CNTNAP5: variants seen among roughly 807,000 people sequenced by gnomAD.
CNTNAP5 encodes contactin associated protein family member 5, also known as contactin-associated protein-like 5.
A neutral mutation model predicts 150.2 loss-of-function variants in CNTNAP5; 72 were observed. The observed-to-expected ratio is 0.48, with a 90% CI of 0.40 to 0.58. CNTNAP5 has a LOEUF of 0.58. CNTNAP5 is among the 20% of genes least tolerant of loss of function. CNTNAP5 has a pLI of 0.00. For synonymous variants in CNTNAP5, 672 were observed against 619.8 expected (o/e 1.08, Z -1.25); for missense variants, 1,636 against 1,626.2 (o/e 1.01, Z -0.10).
rs201772115 is a variant in CNTNAP5 at position 124,361,285 on chromosome 2, A to G, written c.382-56158A>G. ...TCCCATAGCTCAGAGTAATTTGATC[A>G]TCTGAAGCCTCCTTCTCTCAGCTCA... is the stretch of plus-strand genomic sequence containing the variant. On this transcript the variant is annotated intron_variant, in intron 3 of 23. Coordinates refer to ENST00000682447, the MANE Select transcript of CNTNAP5 (RefSeq NM_001367498.1). Among the ~76,000 whole-genome samples, 15 of 144,206 alleles carry G rather than the reference A, an allele frequency of 1.0e-4. 1 individual carries two copies. The highest frequency in any genetic ancestry group is 4.2e-4 in the East Asian group (2 of 4,782). The allele number at this position is 144,206 out of a possible 152,430, so 94.6% of individuals were successfully genotyped here. A position where few individuals can be genotyped will look rare whatever the true frequency, so the allele number is the denominator to read the frequency against.
rs548652246 is a variant in CNTNAP5 at position 124,787,528 on chromosome 2, C to T, written c.2753-2374C>T. Among the ~76,000 whole-genome samples the T allele has an allele frequency of 2.6e-5, 4 of 151,966 alleles. No individual in the cohort carries two copies. The East Asian group carries it at 5.8e-4, about 22-fold the overall frequency. On this transcript the variant is annotated intron_variant, in intron 17 of 23. Transcript: ENST00000682447. Reference sequence around the variant, plus strand: ...CTTCAGAATGCAAGACGAGATCTATCCCTTAGGATAAATTTCTATGGATGT... The same window carrying T: ...CTTCAGAATGCAAGACGAGATCTATTCCTTAGGATAAATTTCTATGGATGT...
intron 3 of CNTNAP5, among the ~76,000 whole-genome samples, chr2:124,251,455 AC>A (rs2104780087): frequency 7.5e-6 from 1 of 132,530 alleles, no homozygotes; most frequent in South Asian, 2.8e-4. Flanking sequence ...TTCAACTTGA[AC>A]GCTGTGGGTG....
chr2:124,274,625 G>C (rs1369916658), intron 3 of CNTNAP5, among the ~76,000 whole-genome samples: 1 of 152,210 alleles, frequency 6.6e-6, no homozygotes, highest in African/African-American at 2.4e-5. Context: ...TGCATGTGCA[G>C]AGTGGGACTC....
intron 13 of CNTNAP5, among the ~76,000 whole-genome samples, chr2:124,681,572 C>A (rs914903626): frequency 1.3e-5 from 2 of 151,924 alleles, no homozygotes; most frequent in Non-Finnish European, 2.9e-5. Flanking sequence ...TGTTTGTTTT[C>A]TTCTGTTTTG....
intron 13 of CNTNAP5, among the ~76,000 whole-genome samples, chr2:124,727,764 A>C (rs1275764194): frequency 6.6e-6 from 1 of 151,988 alleles, no homozygotes; most frequent in Non-Finnish European, 1.5e-5. Flanking sequence ...AGACAATTTT[A>C]CTTATTTTTT....
chr2:124,195,879 C>T (rs1291095691), intron 1 of CNTNAP5, among the ~76,000 whole-genome samples: 4 of 152,066 alleles, frequency 2.6e-5, no homozygotes, highest in Non-Finnish European at 4.4e-5. Context: ...CTATAATTTG[C>T]TCCTAGTTTT....
intron 3 of CNTNAP5, among the ~76,000 whole-genome samples, chr2:124,246,134 T>C (rs1024783846): frequency 1.8e-4 from 28 of 152,088 alleles, no homozygotes; most frequent in African/African-American, 6.8e-4. Flanking sequence ...TTAAAATTGA[T>C]TTACCAAACA....
intron 5 of CNTNAP5, 89 bp downstream of exon 5, chr2:124,434,776 G>T: frequency 8.5e-7 from 1 of 1,170,502 alleles, no homozygotes; most frequent in East Asian, 2.6e-5. Flanking sequence ...AGTGTATCTG[G>T]TGGAAGTCAC....
intron 17 of CNTNAP5, among the ~76,000 whole-genome samples, chr2:124,787,075 AACC>A (rs763791834): frequency 6.0e-5 from 9 of 150,284 alleles, no homozygotes; most frequent in Non-Finnish European, 1.2e-4. Context: ...AGAAACCACC[AACC>A]CCAGTCATCT....
Position 124,285,700 on chromosome 2 carries a change from G to C in CNTNAP5, c.381+43307G>C, listed in dbSNP as rs189517042. On this transcript the variant is annotated intron_variant, in intron 3 of 23. Coordinates refer to ENST00000682447, the MANE Select transcript of CNTNAP5 (RefSeq NM_001367498.1). ...TACCTGTAGTCAGAGTTACTTGAGA[G>C]GCTGAGGTGGGAGGATCACTTGAGC... 4.6e-5 allele frequency among the ~76,000 whole-genome samples: 7 copies of C among 152,238 alleles called. No individual in the cohort carries two copies. The East Asian group carries it at 1.4e-3, about 29-fold the overall frequency.
At chr2:124,430,157 T>G (rs1203115305) in intron 4 of CNTNAP5, among the ~76,000 whole-genome samples, 1 of 151,942 alleles carries the variant, frequency 6.6e-6, no homozygotes, top group Non-Finnish European at 1.5e-5. Context: ...AAGGGCCAGG[T>G]GGGAACCGAC....
chr2:124,838,293 T>C (rs1352144920), intron 19 of CNTNAP5, among the ~76,000 whole-genome samples: 2 of 152,092 alleles, frequency 1.3e-5, no homozygotes, highest in Admixed American at 6.6e-5. Context: ...TAGAAGACCA[T>C]TAGATTTTTC....
At chr2:124,509,968 G>A (rs1187081888) in intron 8 of CNTNAP5, among the ~76,000 whole-genome samples, 1 of 152,062 alleles carries the variant, frequency 6.6e-6, no homozygotes, top group Non-Finnish European at 1.5e-5. Flanking sequence ...ACAGGAGGCT[G>A]AGGCGGGTGG....
chr2:124,217,036 G>T lies in CNTNAP5; in HGVS notation c.83-4669G>T, dbSNP rs141282941. Among the ~76,000 whole-genome samples the T allele has an allele frequency of 4.5e-4, 68 of 152,132 alleles. No homozygotes were observed. The East Asian group carries it at 0.011, about 25-fold the overall frequency. On this transcript the variant is annotated intron_variant, in intron 1 of 23. Coordinates refer to ENST00000682447, the MANE Select transcript of CNTNAP5 (RefSeq NM_001367498.1). ...GTAAAAGTGTTCCTATCAGAGTTTT[G>T]CTATAACTCTTTTGGAGAAAAGACC...
intron 1 of CNTNAP5, among the ~76,000 whole-genome samples, chr2:124,085,788 C>A (rs1682674253): frequency 6.6e-6 from 1 of 152,156 alleles, no homozygotes; most frequent in Non-Finnish European, 1.5e-5. Context: ...GTGTCGTTTT[C>A]AAGTGTTTGA....
At chr2:124,762,137 C>G (rs1680969054) in intron 14 of CNTNAP5, among the ~76,000 whole-genome samples, 1 of 152,092 alleles carries the variant, frequency 6.6e-6, no homozygotes, top group Non-Finnish European at 1.5e-5. Context: ...ATCCCTGTGT[C>G]TATGCAACAT....
chr2:124,259,901 T>C (rs1426517307), intron 3 of CNTNAP5, among the ~76,000 whole-genome samples: 1 of 152,192 alleles, frequency 6.6e-6, no homozygotes, highest in Non-Finnish European at 1.5e-5. Context: ...TCCATGCTCA[T>C]GTGTAGGAAG....
rs1487505151 is a variant in CNTNAP5 at position 124,587,415 on chromosome 2, AT to A, written c.1757-22381del. Among the ~76,000 whole-genome samples, 5 of 152,224 alleles carry A rather than the reference AT, an allele frequency of 3.3e-5. No individual in the cohort carries two copies. The East Asian group carries it at 9.7e-4, about 29-fold the overall frequency. On this transcript the variant is annotated intron_variant, in intron 11 of 23. Transcript: ENST00000682447. ...TGCCCCAGAAGGAAGAAATATTTAT[AT>A]TTTTCTTTGATGTCTGATTGTTTCC...
chr2:124,248,637 C>A (rs1687088257), intron 3 of CNTNAP5, among the ~76,000 whole-genome samples: 1 of 152,202 alleles, frequency 6.6e-6, no homozygotes, highest in African/African-American at 2.4e-5. Context: ...TCTGTTTTCT[C>A]TTCTTAACAC....
Sources: gnomAD v4.1 joint callset for allele counts (sites outside exome capture counted in the v4.1 genomes callset) on GRCh38, gnomAD v4.1.1 for gene constraint, MANE v1.5 for transcripts, NCBI Gene and HGNC (gene_info 2026-07-23, HGNC 2026-07-21) for gene names.